Variants in ABLIM2 observed in about 807,000 individuals in gnomAD.
The protein encoded by ABLIM2 is actin binding LIM protein family member 2, also known as actin-binding LIM protein 2.
In ABLIM2, 53 loss-of-function variants were observed where a neutral mutation model predicts 97.7. The ratio of observed to expected loss-of-function variants is 0.54; its 90% CI spans 0.44 to 0.68. ABLIM2 has a LOEUF of 0.68. ABLIM2 is among the 30% of genes least tolerant of loss of function. The pLI, the probability that ABLIM2 is intolerant of heterozygous loss-of-function variation, is 0.00. For missense variants in ABLIM2, 835 were observed against 867.2 expected (o/e 0.96, Z 0.47); for synonymous variants, 361 against 345.8 (o/e 1.04, Z -0.49).
At position 8,130,036 on chromosome 4, in the gene ABLIM2, G is replaced by A. The variant is rs1354688996; in HGVS notation, c.11-23399C>T. On this transcript the variant is annotated intron_variant, in intron 1 of 20. Transcript: ENST00000447017. The surrounding 1 kb of genome is among the most constrained non-coding windows in gnomAD (Gnocchi z 4.2). Reference sequence around the variant, plus strand: ...GCTCCCAGCACTCAGCACTGCCTGGGGTTCCCACGGAGAAGGAGCCTCAGA... The same window carrying A: ...GCTCCCAGCACTCAGCACTGCCTGGAGTTCCCACGGAGAAGGAGCCTCAGA... 6.6e-6 allele frequency among the ~76,000 whole-genome samples: 1 copy of A among 152,242 alleles called. No homozygotes were observed. The highest frequency in any genetic ancestry group is 1.5e-5 in the Non-Finnish European group (1 of 68,040).
intron 10 of ABLIM2, 129 bp downstream of exon 10, chr4:8,036,020 A>C (rs2151433700): frequency 8.7e-7 from 1 of 1,155,870 alleles, no homozygotes; most frequent in East Asian, 2.6e-5. Context: ...GAAGAGGCTG[A>C]GCGTGTGGGT....
At chr4:8,094,604 A>G (rs1255864510) in intron 3 of ABLIM2, among the ~76,000 whole-genome samples, 1 of 152,220 alleles carries the variant, frequency 6.6e-6, no homozygotes, top group Non-Finnish European at 1.5e-5. Context: ...TACAGATAAC[A>G]TAACTGATTA....
rs1372514714 is a variant in ABLIM2, at chr4:7,992,939, A to G, written c.1619-12T>C. The G allele has an allele frequency of 1.9e-6, 3 of 1,612,334 alleles. No homozygotes were observed. The highest frequency in any genetic ancestry group is 1.3e-5 in the African/African-American group (1 of 74,870). On this transcript the variant is annotated splice_polypyrimidine_tract_variant and intron_variant, in intron 16 of 20. Transcript: ENST00000447017. The surrounding 1 kb of genome is among the most constrained non-coding windows in gnomAD (Gnocchi z 5.7). ...GGAATAGGGGAATCCTGAAACAGAC[A>G]CAGCACAGCTTTGTCACGCGCGCAG...
intron 6 of ABLIM2, among the ~76,000 whole-genome samples, chr4:8,074,938 A>G (rs1221493155): frequency 6.6e-6 from 1 of 151,982 alleles, no homozygotes; most frequent in African/African-American, 2.4e-5. Flanking sequence ...GGCACCCACC[A>G]CCATGCCCAG....
rs74674479 is a variant in ABLIM2, at chr4:8,061,696, C to G, written c.676-642G>C. On this transcript the variant is annotated intron_variant, in intron 6 of 20. Coordinates refer to ENST00000447017, the MANE Select transcript of ABLIM2 (RefSeq NM_001130083.2). The surrounding 1 kb of genome is among the most constrained non-coding windows in gnomAD (Gnocchi z 4.5). Reference sequence around the variant, plus strand: ...CCCCGAAATGCTCCCTTTACCCCCACGTTCCAGCACACACTTCCTACCCTG... The same window carrying G: ...CCCCGAAATGCTCCCTTTACCCCCAGGTTCCAGCACACACTTCCTACCCTG... Among the ~76,000 whole-genome samples, 1 of 151,696 alleles carries G rather than the reference C, an allele frequency of 6.6e-6. No individual in the cohort carries two copies.
rs930017356 is a variant in ABLIM2, at chr4:8,058,485, C to A, written c.763+2482G>T. Among the ~76,000 whole-genome samples the A allele has an allele frequency of 6.6e-6, 1 of 152,212 alleles. No homozygotes were observed. The highest frequency in any genetic ancestry group is 2.4e-5 in the African/African-American group (1 of 41,454). On this transcript the variant is annotated intron_variant, in intron 7 of 20. Transcript: ENST00000447017. This position sits in a 1 kb window ranked among gnomAD's most constrained non-coding sequence, Gnocchi z 4.2. ...GCAGCTCTCCCAGACCTGGCCGGGCCCAGCTGGCCTCTGGGAGCACTGGTG... is the reference window on the plus strand; with the variant it reads ...GCAGCTCTCCCAGACCTGGCCGGGCACAGCTGGCCTCTGGGAGCACTGGTG...
At chr4:8,059,149 C>T (rs531740243) in intron 7 of ABLIM2, among the ~76,000 whole-genome samples, 12 of 151,990 alleles carry the variant, frequency 7.9e-5, no homozygotes, top group Admixed American at 6.6e-4. Flanking sequence ...CAATACATAG[C>T]GGGGTGGTCA....
chr4:8,052,550 T>C (rs1435580364), intron 8 of ABLIM2, among the ~76,000 whole-genome samples: 1 of 152,218 alleles, frequency 6.6e-6, no homozygotes, highest in Non-Finnish European at 1.5e-5. Flanking sequence ...AAGGGCAGAC[T>C]TCCCCTGGGA....
rs1809728138 is a variant in ABLIM2, at chr4:8,068,706, C to T, written c.676-7652G>A. 6.6e-6 allele frequency among the ~76,000 whole-genome samples: 1 copy of T among 152,188 alleles called. No homozygotes were observed. Among genetic ancestry groups the T allele is most frequent in the Non-Finnish European group, 1.5e-5 (1 of 68,038 alleles). On this transcript the variant is annotated intron_variant, in intron 6 of 20. Transcript: ENST00000447017. The surrounding 1 kb of genome is among the most constrained non-coding windows in gnomAD (Gnocchi z 4.5). ...CCCCTTGCTTCTTCCCCGCTGCGGG[C>T]TCCCGCTCAGCCGAGGGCCAGGGCT...
intron 4 of ABLIM2, 27 bp from the exon 5 acceptor site, chr4:8,080,829 C>T: frequency 1.3e-6 from 2 of 1,585,788 alleles, no homozygotes; most frequent in Non-Finnish European, 1.7e-6. Context: ...AGAACACAGA[C>T]ACCCCCACCA....
In ABLIM2 at chr4:8,082,065, T is replaced by G. The variant is rs1436275401; in HGVS notation, c.455-1263A>C. On this transcript the variant is annotated intron_variant, in intron 4 of 20. Transcript: ENST00000447017. The surrounding 1 kb of genome is among the most constrained non-coding windows in gnomAD (Gnocchi z 5.6). ...TGTGTTTAAGGGTGTGGTTGTGTGTTGGGGGCATGACAAGGGAAGGGCCTC... is the reference window on the plus strand; with the variant it reads ...TGTGTTTAAGGGTGTGGTTGTGTGTGGGGGGCATGACAAGGGAAGGGCCTC... 6.6e-6 allele frequency among the ~76,000 whole-genome samples: 1 copy of G among 152,072 alleles called. No individual in the cohort carries two copies. Among genetic ancestry groups the G allele is most frequent in the Non-Finnish European group, 1.5e-5 (1 of 68,000 alleles).
intron 3 of ABLIM2, among the ~76,000 whole-genome samples, chr4:8,093,964 G>C (rs930274103): frequency 6.6e-6 from 1 of 152,136 alleles, no homozygotes; most frequent in Non-Finnish European, 1.5e-5. Context: ...CACCTAGATA[G>C]AGAAATAGAT....
Position 8,149,005 on chromosome 4 carries a change from G to A in ABLIM2, c.10+9675C>T, listed in dbSNP as rs1437762155. ...CAGACACTACGGAGAGTCAGGCCAC[G>A]CTGAGATCTGGGGTCCCCAGATACC... On this transcript the variant is annotated intron_variant, in intron 1 of 20. Transcript: ENST00000447017. This position sits in a 1 kb window ranked among gnomAD's most constrained non-coding sequence, Gnocchi z 6.4. 1.3e-5 allele frequency among the ~76,000 whole-genome samples: 2 copies of A among 152,202 alleles called. No homozygotes were observed. Among genetic ancestry groups the A allele is most frequent in the African/African-American group, 2.4e-5 (1 of 41,462 alleles).
At chr4:8,062,945 G>C (rs966181132) in intron 6 of ABLIM2, among the ~76,000 whole-genome samples, 1 of 152,194 alleles carries the variant, frequency 6.6e-6, no homozygotes, top group Non-Finnish European at 1.5e-5. Context: ...TCCTCTAACA[G>C]CAGGAGTTCT....
intron 1 of ABLIM2, among the ~76,000 whole-genome samples, chr4:8,106,894 A>T (rs981586165): frequency 7.2e-5 from 11 of 152,210 alleles, no homozygotes; most frequent in African/African-American, 2.7e-4. Context: ...TGTCTACAGT[A>T]GCCCCATGCA....
In ABLIM2 at chr4:8,005,583, C is replaced by G. The variant is rs1031125305; in HGVS notation, c.1618+2476G>C. Among the ~76,000 whole-genome samples, 1 of 152,180 alleles carries G rather than the reference C, an allele frequency of 6.6e-6. No homozygotes were observed. Among genetic ancestry groups the G allele is most frequent in the Non-Finnish European group, 1.5e-5 (1 of 68,018 alleles). On this transcript the variant is annotated intron_variant, in intron 16 of 20. Transcript: ENST00000447017. The surrounding 1 kb of genome is among the most constrained non-coding windows in gnomAD (Gnocchi z 4.9). ...AAAAAAAGGGTGGCTCCCTCTCAAT[C>G]TCCATGTGCTCCCCTTCCCGCCTGG...
intron 1 of ABLIM2, among the ~76,000 whole-genome samples, chr4:8,157,546 G>C (rs1715765153): frequency 6.6e-6 from 1 of 152,216 alleles, no homozygotes; most frequent in Non-Finnish European, 1.5e-5. Context: ...GGGGGAGGGA[G>C]ACAATCTCCC....
intron 20 of ABLIM2, among the ~76,000 whole-genome samples, chr4:7,982,372 A>G (rs778771980): frequency 5.1e-4 from 77 of 152,362 alleles, no homozygotes; most frequent in Non-Finnish European, 9.7e-4. Flanking sequence ...AAGAGAGTCT[A>G]CTGAAAGGCA....
chr4:8,045,313 G>A, intron 8 of ABLIM2, 72 bp from the exon 9 acceptor site: 2 of 1,364,850 alleles, frequency 1.5e-6, no homozygotes, highest in East Asian at 2.3e-5. Context: ...ACTGTCAGGA[G>A]TTCCACTCCA....
Sources: allele counts gnomAD v4.1 joint callset (sites outside exome capture counted in the v4.1 genomes callset), GRCh38; gene constraint gnomAD v4.1.1; non-coding constraint Gnocchi (gnomAD v3.1); transcripts MANE v1.5; gene names NCBI Gene and HGNC (gene_info 2026-07-23, HGNC 2026-07-21).